The following PCDHA2 variants were observed in gnomAD, a reference collection of about 807,000 sequenced individuals.
PCDHA2 encodes the protein protocadherin alpha-2.
In PCDHA2, 58 loss-of-function variants were observed where a neutral mutation model predicts 66.0. That is an observed-to-expected ratio of 0.88 (90% CI 0.71 to 1.09). PCDHA2 has a LOEUF of 1.09. Ranked by LOEUF, PCDHA2 falls within the 50% of genes least tolerant of loss-of-function variation. The probability of loss-of-function intolerance (pLI) is 0.00; values close to 1 mark genes in which losing one functional copy is unlikely to be tolerated. For missense variants in PCDHA2, 1,267 were observed against 1,242.3 expected (o/e 1.02, Z -0.30); for synonymous variants, 634 against 554.0 (o/e 1.14, Z -2.03).
At chr5:140,806,992 T>A in intron 1 of PCDHA2, 1 of 670,820 alleles carries the variant, frequency 1.5e-6, no homozygotes, top group Admixed American at 2.9e-5. Flanking sequence ...AGCCACATGA[T>A]GTCGCTCTTT....
intron 1 of PCDHA2, chr5:140,808,083 C>T (rs1764094989): frequency 1.2e-6 from 2 of 1,613,832 alleles, no homozygotes; most frequent in African/African-American, 2.7e-5. Context: ...GATCCAATTA[C>T]TGGACAAATT....
intron 1 of PCDHA2, among the ~76,000 whole-genome samples, chr5:140,976,508 G>A (rs1039409709): frequency 6.6e-6 from 1 of 151,976 alleles, no homozygotes; most frequent in Non-Finnish European, 1.5e-5. Context: ...CCAAGATCGC[G>A]CCACTGCACA....
chr5:140,978,789 A>G (rs2153817382), intron 1 of PCDHA2, 160 bp from the exon 2 acceptor site: 22 of 974,564 alleles, frequency 2.3e-5, no homozygotes, highest in Non-Finnish European at 2.6e-5. Flanking sequence ...CTAAAGTGCT[A>G]TATATGTAGA....
At chr5:140,848,906 A>G (rs2150424072) in intron 1 of PCDHA2, 1 of 1,608,234 alleles carries the variant, frequency 6.2e-7, no homozygotes, top group African/African-American at 1.4e-5. Flanking sequence ...CAGCGACACA[A>G]AAGAATCTGT....
At chr5:140,861,646 T>C in intron 1 of PCDHA2, 1 of 291,698 alleles carries the variant, frequency 3.4e-6, no homozygotes, top group Non-Finnish European at 6.9e-6. Context: ...CAAAAGAATC[T>C]GTTTCTGAAA....
At chr5:140,821,549 A>G in intron 1 of PCDHA2, 1 of 502,610 alleles carries the variant, frequency 2.0e-6, no homozygotes, top group African/African-American at 1.9e-5. Flanking sequence ...CCTTTCATCC[A>G]CATGATGTCG....
At position 140,795,810 on chromosome 5, in the gene PCDHA2, T is replaced by C. The variant is rs1761998227; in HGVS notation, c.846T>C (p.Gly282=). The change falls in exon 1 of 4, where the codon GGT becomes GGC. Residue 282 remains glycine, a synonymous_variant. Coordinates refer to ENST00000526136, the MANE Select transcript of PCDHA2 (RefSeq NM_018905.3). The part of the protein sequence containing the change: ...GPNSEIVYSL[G]SDVSSTIQTK... ...ACAGCGAGATTGTGTATTCACTCGGTAGTGATGTGTCCTCCACTATACAGA... is the reference window on the plus strand; with the variant it reads ...ACAGCGAGATTGTGTATTCACTCGGCAGTGATGTGTCCTCCACTATACAGA... 1 of 1,613,622 alleles carries C rather than the reference T, an allele frequency of 6.2e-7. No homozygotes were observed. The highest frequency in any genetic ancestry group is 1.3e-5 in the African/African-American group (1 of 75,032).
chr5:140,814,824 T>G (rs1554126612), intron 1 of PCDHA2: 2 of 152,246 alleles, frequency 1.3e-5, no homozygotes, highest in Non-Finnish European at 2.9e-5. Context: ...TTGCTATCTA[T>G]TTCTCCATTT....
chr5:140,807,827 G>A (rs782460121), intron 1 of PCDHA2: 14 of 1,614,046 alleles, frequency 8.7e-6, no homozygotes, highest in Non-Finnish European at 1.1e-5. Flanking sequence ...AGTGCTCACA[G>A]CCACTGATGG....
chr5:140,823,178 C>G, intron 1 of PCDHA2: 2 of 1,613,864 alleles, frequency 1.2e-6, no homozygotes, highest in South Asian at 2.2e-5. Flanking sequence ...GAGAACAACC[C>G]GCCAGGCTGC....
At chr5:140,928,344 G>T (rs1554205800) in intron 1 of PCDHA2, 2 of 1,614,168 alleles carry the variant, frequency 1.2e-6, no homozygotes, top group East Asian at 2.2e-5. Flanking sequence ...CTTATGAGCT[G>T]TTGGATGTTA....
intron 1 of PCDHA2, chr5:140,850,650 A>C (rs2150492229): frequency 6.3e-7 from 1 of 1,598,426 alleles, no homozygotes; most frequent in East Asian, 2.2e-5. Flanking sequence ...GCTGCTGTAC[A>C]CTGTGCTGCG....
chr5:140,914,229 TA>T (rs1253173765), intron 1 of PCDHA2, among the ~76,000 whole-genome samples: 3 of 152,224 alleles, frequency 2.0e-5, no homozygotes, highest in Non-Finnish European at 4.4e-5. Flanking sequence ...GCTCTAATAC[TA>T]TTTGCTTTTT....
chr5:140,812,586 C>A (rs1376268263), intron 1 of PCDHA2: 1 of 151,112 alleles, frequency 6.6e-6, no homozygotes, highest in Non-Finnish European at 1.5e-5. Flanking sequence ...TTTCTTCTTT[C>A]TTCATTTTTA....
chr5:140,854,993 C>T lies in PCDHA2; in HGVS notation c.2388+57641C>T, dbSNP rs781816835. Among the ~76,000 whole-genome samples, 37 of 149,404 alleles carry T rather than the reference C, an allele frequency of 2.5e-4. 3 individuals carry two copies. The highest frequency in any genetic ancestry group is 4.7e-4 in the Admixed American group (7 of 14,878). ...AATTATAATTAAGATTCTTTTTGCC[C>T]GTGTAAGATATTATAAAATGAAACT... is the stretch of plus-strand genomic sequence containing the variant. On this transcript the variant is annotated intron_variant, in intron 1 of 3. Coordinates refer to ENST00000526136, the MANE Select transcript of PCDHA2 (RefSeq NM_018905.3).
chr5:140,812,973 C>T lies in PCDHA2; in HGVS notation c.2388+15621C>T, dbSNP rs1765206807. On this transcript the variant is annotated intron_variant, in intron 1 of 3. Coordinates refer to ENST00000526136, the MANE Select transcript of PCDHA2 (RefSeq NM_018905.3). ...CCAGTTTTAATTCCAGTATTGATTT[C>T]TAGTTTTATTCCACTGTGGTCAGAA... The T allele has an allele frequency of 2.0e-5, 3 of 152,186 alleles. No homozygotes were observed. The South Asian group carries it at 6.2e-4, about 32-fold the overall frequency. The allele number at this position is 152,186 out of a possible 1,614,324, so 9.4% of individuals were successfully genotyped here. A position where few individuals can be genotyped will look rare whatever the true frequency, so the allele number is the denominator to read the frequency against.
intron 1 of PCDHA2, among the ~76,000 whole-genome samples, chr5:140,937,039 C>CT (rs34994034): frequency 0.49 from 69,094 of 140,108 alleles, 17,193 homozygotes; most frequent in East Asian, 0.59. Flanking sequence ...TTCCATTTAT[C>CT]TTTTTTTTTT....
chr5:140,991,981 T>C (rs2097483028), intron 3 of PCDHA2, among the ~76,000 whole-genome samples: 1 of 152,008 alleles, frequency 6.6e-6, no homozygotes, highest in South Asian at 2.1e-4. Flanking sequence ...TTATTCTGCC[T>C]ACCACCCGGT....
At chr5:140,953,228 G>C (rs2094861370) in intron 1 of PCDHA2, among the ~76,000 whole-genome samples, 2 of 152,124 alleles carry the variant, frequency 1.3e-5, no homozygotes, top group African/African-American at 4.8e-5. Context: ...CTTCTGCTTG[G>C]TAGCAGTTCA....
Sources: allele counts gnomAD v4.1 joint callset (sites outside exome capture counted in the v4.1 genomes callset), GRCh38; gene constraint gnomAD v4.1.1; transcripts MANE v1.5; gene names NCBI Gene and HGNC (gene_info 2026-07-23, HGNC 2026-07-21).